The following EMB variants were observed in gnomAD, a reference collection of about 807,000 sequenced individuals.
EMB encodes the protein embigin homolog.
A neutral mutation model predicts 41.4 loss-of-function variants in EMB; 31 were observed. The ratio of observed to expected loss-of-function variants is 0.75; its 90% CI spans 0.56 to 1.01. The LOEUF (loss-of-function observed/expected upper bound fraction) is 1.01, where lower values mean the gene tolerates loss of function less well. EMB is among the 50% of genes least tolerant of loss of function. The probability of loss-of-function intolerance (pLI) is 0.00; values close to 1 mark genes in which losing one functional copy is unlikely to be tolerated. For missense variants in EMB, 379 were observed against 388.3 expected, an observed-to-expected ratio of 0.98 and a Z score of 0.20; for synonymous variants, 137 against 140.4, an observed-to-expected ratio of 0.98 and a Z score of 0.17.
rs189627392 is a variant in EMB at position 50,422,549 on chromosome 5, C to T, written c.196+5595G>A. On this transcript the variant is annotated intron_variant, in intron 2 of 8. Coordinates refer to ENST00000303221, the MANE Select transcript of EMB (RefSeq NM_198449.3). ...AACTATTCAGTTAAGAAAGTTGAGA[C>T]GCTGGCTAACAGTACAAAATAATAA... 2.0e-4 allele frequency among the ~76,000 whole-genome samples: 31 copies of T among 152,238 alleles called. 1 individual carries two copies. Among genetic ancestry groups the T allele is most frequent in the African/African-American group, 5.5e-4 (23 of 41,544 alleles).
In EMB at chr5:50,399,881, T is replaced by A. The variant is rs764294097; in HGVS notation, c.944A>T (p.Asn315Ile). ...KSDDSNGIEN[N>I]VPRHRKNESL... ...TACATTTTTTCTATGCCTGGGGACA[T>A]TATTTTCTATACCATTGCTATCATC... is the stretch of plus-strand genomic sequence containing the variant. The change falls in exon 8 of 9, where the codon AAT (asparagine) becomes ATT (isoleucine). Residue 315 changes from asparagine to isoleucine, a missense_variant. By Grantham distance (149) the Asn-to-Ile change is moderately radical. Transcript: ENST00000303221. 1.9e-6 allele frequency: 3 copies of A among 1,605,510 alleles called. No individual in the cohort carries two copies. The highest frequency in any genetic ancestry group is 1.7e-5 in the Admixed American group (1 of 58,634).
chr5:50,425,156 C>A (rs1745589182), intron 2 of EMB, among the ~76,000 whole-genome samples: 1 of 152,188 alleles, frequency 6.6e-6, no homozygotes, highest in Non-Finnish European at 1.5e-5. Flanking sequence ...CCCCTAGAAT[C>A]TGAGTGGTCC....
At chr5:50,424,384 A>G (rs561996060) in intron 2 of EMB, among the ~76,000 whole-genome samples, 15 of 152,322 alleles carry the variant, frequency 9.8e-5, no homozygotes, top group Non-Finnish European at 2.2e-4. Flanking sequence ...AAGCAGGAAC[A>G]TATGCGCTTC....
intron 2 of EMB, among the ~76,000 whole-genome samples, chr5:50,418,499 G>A (rs1441743529): frequency 6.6e-6 from 1 of 152,156 alleles, no homozygotes; most frequent in African/African-American, 2.4e-5. Context: ...AGGGAGTTAG[G>A]GACCTAGGCA....
chr5:50,437,127 C>T (rs1222552534), intron 1 of EMB, among the ~76,000 whole-genome samples: 1 of 151,850 alleles, frequency 6.6e-6, no homozygotes, highest in East Asian at 1.9e-4. Context: ...AAAAATTAGC[C>T]GGGTGTGGTG....
At chr5:50,417,928 A>G (rs1350180243) in intron 2 of EMB, among the ~76,000 whole-genome samples, 2 of 152,208 alleles carry the variant, frequency 1.3e-5, no homozygotes, top group Non-Finnish European at 2.9e-5. Context: ...AATTTCACTA[A>G]ACAAAGCTCC....
intron 4 of EMB, among the ~76,000 whole-genome samples, chr5:50,408,670 A>G (rs1745285406): frequency 6.6e-6 from 1 of 152,074 alleles, no homozygotes; most frequent in Admixed American, 6.6e-5. Context: ...TTTCATCTAC[A>G]TGCAGTTGTA....
chr5:50,442,155 A>AT (rs374038524), upstream of EMB, among the ~76,000 whole-genome samples: 2 of 151,788 alleles, frequency 1.3e-5, no homozygotes, highest in Non-Finnish European at 2.9e-5. Context: ...CTCTCCCTTT[A>AT]TTTTTTTGAA....
intron 1 of EMB, 93 bp downstream of exon 1, chr5:50,440,947 T>G: frequency 1.1e-6 from 1 of 918,776 alleles, no homozygotes; most frequent in Non-Finnish European, 1.5e-6. Flanking sequence ...CCCGCCACCC[T>G]TGCCCGGCGC....
intron 4 of EMB, among the ~76,000 whole-genome samples, chr5:50,407,133 C>T (rs1345185972): frequency 1.3e-5 from 2 of 151,954 alleles, no homozygotes; most frequent in Admixed American, 6.6e-5. Context: ...TCTCAGATAT[C>T]CTATTTCTCA....
chr5:50,410,371 T>C (rs371376428), intron 4 of EMB, among the ~76,000 whole-genome samples: 4 of 152,140 alleles, frequency 2.6e-5, no homozygotes, highest in African/African-American at 9.7e-5. Context: ...ATGTGGATGA[T>C]ATTCTGTGGC....
intron 2 of EMB, 175 bp from the exon 3 acceptor site, chr5:50,411,558 G>T (rs1745338532): frequency 2.1e-6 from 1 of 481,656 alleles, no homozygotes; most frequent in African/African-American, 2.0e-5. Context: ...CCTTTTATAT[G>T]CACACCTAAA....
intron 7 of EMB, among the ~76,000 whole-genome samples, chr5:50,402,050 T>C (rs1745170888): frequency 6.6e-6 from 1 of 151,926 alleles, no homozygotes; most frequent in Non-Finnish European, 1.5e-5. Flanking sequence ...AGTACTATTA[T>C]TAAATCCATT....
chr5:50,428,580 T>C (rs1321217401), intron 1 of EMB: 28 of 993,100 alleles, frequency 2.8e-5, no homozygotes, highest in Non-Finnish European at 3.4e-5. Context: ...AATGGAAAGA[T>C]ATGAAGAGGC....
At chr5:50,408,522 C>T (rs1301509603) in intron 4 of EMB, among the ~76,000 whole-genome samples, 1 of 151,972 alleles carries the variant, frequency 6.6e-6, no homozygotes, top group Admixed American at 6.6e-5. Flanking sequence ...AATCAACCAG[C>T]ACCCATAAAG....
intron 2 of EMB, among the ~76,000 whole-genome samples, chr5:50,415,628 C>T (rs919995470): frequency 1.1e-4 from 16 of 152,314 alleles, no homozygotes; most frequent in Admixed American, 8.5e-4. Context: ...ACAATTCCAA[C>T]TTTAGAGATG....
At chr5:50,400,016 T>C in intron 7 of EMB, 103 bp from the exon 8 acceptor site, 1 of 713,064 alleles carries the variant, frequency 1.4e-6, no homozygotes, top group Non-Finnish European at 2.2e-6. Context: ...AAAATGTCAA[T>C]ACGGACAGAA....
intron 5 of EMB, among the ~76,000 whole-genome samples, chr5:50,403,723 A>G (rs952995562): frequency 5.3e-5 from 8 of 152,092 alleles, no homozygotes; most frequent in Middle Eastern, 3.4e-3. Flanking sequence ...GTCATCATGA[A>G]TAAATATTAT....
upstream of EMB, chr5:50,441,383 G>A: frequency 2.9e-6 from 1 of 343,002 alleles, no homozygotes. Context: ...TCAGCCGGCT[G>A]CTGGCGTTCC....
Sources: allele counts gnomAD v4.1 joint callset (sites outside exome capture counted in the v4.1 genomes callset), GRCh38; gene constraint gnomAD v4.1.1; transcripts MANE v1.5; gene names NCBI Gene and HGNC (gene_info 2026-07-23, HGNC 2026-07-21).